The following KLHL14 variants were observed in gnomAD, a reference collection of about 807,000 sequenced individuals.
The protein encoded by KLHL14 is kelch-like protein 14.
In KLHL14, 22 loss-of-function variants were observed where a neutral mutation model predicts 64.3. The ratio of observed to expected loss-of-function variants is 0.34; its 90% confidence interval spans 0.24 to 0.49. The LOEUF is 0.49. KLHL14 is among the 20% of genes least tolerant of loss of function. KLHL14 has a pLI of 0.99. For missense variants in KLHL14, 661 were observed against 789.0 expected (o/e 0.84, Z 1.94); for synonymous variants, 322 against 333.4 (o/e 0.97, Z 0.37).
At chr18:32,702,091 A>G (rs2049968960) in intron 3 of KLHL14, among the ~76,000 whole-genome samples, 1 of 152,072 alleles carries the variant, frequency 6.6e-6, no homozygotes, top group Non-Finnish European at 1.5e-5. Flanking sequence ...GTTGGGTTTG[A>G]GTTTTTGATA....
intron 3 of KLHL14, among the ~76,000 whole-genome samples, chr18:32,736,700 G>C (rs1042430730): frequency 2.0e-5 from 3 of 151,986 alleles, no homozygotes; most frequent in African/African-American, 7.2e-5. Flanking sequence ...ATTTATTTCA[G>C]TTGCCAAAAG....
In KLHL14 at chr18:32,674,180, A is replaced by G. The variant is rs1235105804; in HGVS notation, c.*477T>C. On this transcript the variant is annotated 3_prime_UTR_variant, in exon 9 of 9. Transcript: ENST00000359358. Reference sequence around the variant, plus strand: ...GCCAATGGAGTCTGTGAAGTAGCCAAAGGTTAAGAGTACAGAATCAAGTGG... The same window carrying G: ...GCCAATGGAGTCTGTGAAGTAGCCAGAGGTTAAGAGTACAGAATCAAGTGG... 6.5e-6 allele frequency: 1 copy of G among 152,990 alleles called. No individual in the cohort carries two copies. The highest frequency in any genetic ancestry group is 1.5e-5 in the Non-Finnish European group (1 of 68,296). 9.5% of individuals were successfully genotyped at this position (152,990 alleles called of 1,614,324 possible).
chr18:32,735,462 C>G (rs1189928567), intron 3 of KLHL14, among the ~76,000 whole-genome samples: 2 of 152,158 alleles, frequency 1.3e-5, no homozygotes, highest in African/African-American at 2.4e-5. Flanking sequence ...CATCTCCTAT[C>G]TGTTTCCCCC....
Position 32,770,585 on chromosome 18 carries a change from T to C in KLHL14, c.7A>G (p.Arg3Gly). 6.4e-7 allele frequency: 1 copy of C among 1,558,652 alleles called. No homozygotes were observed. Among genetic ancestry groups the C allele is most frequent in the Non-Finnish European group, 8.7e-7 (1 of 1,155,614 alleles). ...AAGGTGGAGGTCCTGTCCCCGGATC[T>C]GGACATGGCGAGCTGACTCGGTGCA... Reference protein sequence around the residue: MSRSGDRTSTFDP... With the variant: MSGSGDRTSTFDP... Residue 3 changes from arginine (R) to glycine (G), a missense_variant, in exon 2 of 9, where the codon AGA becomes GGA. Transcript: ENST00000359358. The surrounding 1 kb of genome is among the most constrained non-coding windows in gnomAD (Gnocchi z 6.7).
intron 3 of KLHL14, among the ~76,000 whole-genome samples, chr18:32,704,107 A>C (rs2049978972): frequency 6.6e-6 from 1 of 152,236 alleles, no homozygotes; most frequent in African/African-American, 2.4e-5. Flanking sequence ...TAAATGAATT[A>C]AAGTAGCAGA....
At chr18:32,738,439 G>A (rs1463451814) in intron 3 of KLHL14, 1 of 152,084 alleles carries the variant, frequency 6.6e-6, no homozygotes, top group African/African-American at 2.4e-5. Context: ...AAATAAAGAT[G>A]AACAAAAGTG....
At chr18:32,718,197 A>C (rs1598561807) in intron 3 of KLHL14, among the ~76,000 whole-genome samples, 1 of 152,152 alleles carries the variant, frequency 6.6e-6, no homozygotes, top group Non-Finnish European at 1.5e-5. Flanking sequence ...CTGCTCAAAG[A>C]TTTTTGGTGA....
rs993978638 is a variant in KLHL14, at chr18:32,683,344, C to G, written c.1239-2745G>C. 2.0e-5 allele frequency among the ~76,000 whole-genome samples: 3 copies of G among 152,098 alleles called. No homozygotes were observed. Among genetic ancestry groups the G allele is most frequent in the African/African-American group, 7.2e-5 (3 of 41,424 alleles). ...GGTAGAAATTCCAATAGTAAAGATT[C>G]TGAGTCTTTGACTTATTCCCTTGCA... On this transcript the variant is annotated intron_variant, in intron 5 of 8. Transcript: ENST00000359358. This position sits in a 1 kb window ranked among gnomAD's most constrained non-coding sequence, Gnocchi z 4.2.
chr18:32,678,227 C>A (rs1468079577), intron 7 of KLHL14, among the ~76,000 whole-genome samples: 1 of 152,158 alleles, frequency 6.6e-6, no homozygotes, highest in Non-Finnish European at 1.5e-5. Context: ...GCTTCGTGCT[C>A]ACCAAGCAGG....
chr18:32,739,390 C>CAA (rs558330930), intron 3 of KLHL14, among the ~76,000 whole-genome samples: 4,050 of 108,948 alleles, frequency 0.037, 191 homozygotes, highest in African/African-American at 0.12. Flanking sequence ...GGTATCTTAA[C>CAA]AAAAAAAAAA....
At chr18:32,723,573 G>A (rs966568931) in intron 3 of KLHL14, among the ~76,000 whole-genome samples, 1 of 152,118 alleles carries the variant, frequency 6.6e-6, no homozygotes, top group Non-Finnish European at 1.5e-5. Flanking sequence ...TCTGGTTCTG[G>A]TAATCCTCTC....
chr18:32,693,097 C>T (rs2049916305), intron 4 of KLHL14, among the ~76,000 whole-genome samples: 1 of 152,160 alleles, frequency 6.6e-6, no homozygotes, highest in Non-Finnish European at 1.5e-5. Context: ...ATGCTGGCTG[C>T]TCATGGTCAC....
chr18:32,766,293 G>T (rs1012243728), intron 2 of KLHL14, among the ~76,000 whole-genome samples: 7 of 152,000 alleles, frequency 4.6e-5, no homozygotes, highest in Admixed American at 2.0e-4. Context: ...TAAATAAAAA[G>T]AAACTATTTG....
At chr18:32,721,313 A>G (rs1005432190) in intron 3 of KLHL14, among the ~76,000 whole-genome samples, 1 of 152,208 alleles carries the variant, frequency 6.6e-6, no homozygotes, top group South Asian at 2.1e-4. Context: ...GTGCAGTGTT[A>G]GAGAGGCTGG....
At chr18:32,762,405 A>G (rs137899192) in intron 2 of KLHL14, among the ~76,000 whole-genome samples, 16 of 152,086 alleles carry the variant, frequency 1.1e-4, no homozygotes, top group Non-Finnish European at 2.1e-4. Context: ...CCTTTTTCAG[A>G]TAGTTCACAT....
chr18:32,730,908 T>A (rs1234469494), intron 3 of KLHL14, among the ~76,000 whole-genome samples: 1 of 152,204 alleles, frequency 6.6e-6, no homozygotes, highest in African/African-American at 2.4e-5. Flanking sequence ...TAGAACACGC[T>A]GTGAGAAGCG....
intron 3 of KLHL14, among the ~76,000 whole-genome samples, chr18:32,699,087 C>A (rs183070803): frequency 6.6e-6 from 1 of 152,134 alleles, no homozygotes; most frequent in East Asian, 1.9e-4. Flanking sequence ...AATTTTAAGG[C>A]CATACAAATC....
chr18:32,721,671 A>G (rs1159477220), intron 3 of KLHL14, among the ~76,000 whole-genome samples: 2 of 152,236 alleles, frequency 1.3e-5, no homozygotes, highest in East Asian at 1.9e-4. Context: ...TCTTTTTCAC[A>G]TGACTGGCTT....
In KLHL14 at chr18:32,716,945, C is replaced by G. The variant is rs564586610; in HGVS notation, c.1070-21393G>C. Among the ~76,000 whole-genome samples, 19 of 152,222 alleles carry G rather than the reference C, an allele frequency of 1.2e-4. 1 individual carries two copies. In the South Asian group the frequency reaches 3.7e-3, roughly 30 times the overall value. ...TTCTTATTTGTCCCAATATCCTCAT[C>G]TGCTAGACAGATGTCTAGACTGGGC... is the stretch of plus-strand genomic sequence containing the variant. On this transcript the variant is annotated intron_variant, in intron 3 of 8. Transcript: ENST00000359358.
Sources: allele counts gnomAD v4.1 joint callset (sites outside exome capture counted in the v4.1 genomes callset), GRCh38; gene constraint gnomAD v4.1.1; non-coding constraint Gnocchi (gnomAD v3.1); transcripts MANE v1.5; gene names NCBI Gene and HGNC (gene_info 2026-07-23, HGNC 2026-07-21).